CUX1: variants seen among roughly 807,000 people sequenced by gnomAD.
The protein encoded by CUX1 is protein CASP.
A neutral mutation model predicts 158.8 loss-of-function variants in CUX1; 31 were observed. The observed-to-expected ratio is 0.20, with a 90% confidence interval of 0.15 to 0.26. The LOEUF (loss-of-function observed/expected upper bound fraction) is 0.26, where lower values mean the gene tolerates loss of function less well. Ranked by LOEUF, CUX1 falls within the 10% of genes least tolerant of loss-of-function variation. The pLI is 1.00. For synonymous variants in CUX1, 879 were observed against 862.1 expected, an observed-to-expected ratio of 1.02 and a Z score of -0.34; for missense variants, 1,589 against 2,014.6, an observed-to-expected ratio of 0.79 and a Z score of 4.04.
chr7:102,257,113 A>T lies in CUX1; in HGVS notation c.*8071A>T. 1 of 985,268 alleles carries T rather than the reference A, an allele frequency of 1.0e-6. No homozygotes were observed. Among genetic ancestry groups the T allele is most frequent in the Non-Finnish European group, 1.2e-6 (1 of 829,920 alleles). 61.0% of individuals were successfully genotyped at this position (985,268 alleles called of 1,614,324 possible). On this transcript the variant is annotated 3_prime_UTR_variant, in exon 24 of 24. Coordinates refer to ENST00000292535, the MANE Select transcript of CUX1 (RefSeq NM_181552.4). ...TGTGAAGGTGAGGCGCCCTGCCTTG[A>T]TCCCATGGGCCCAGCAGAAGGAAAC...
chr7:102,056,793 A>G (rs190259389), intron 3 of CUX1, among the ~76,000 whole-genome samples: 2 of 150,470 alleles, frequency 1.3e-5, no homozygotes, highest in Admixed American at 1.3e-4. Context: ...CCAGTCTTGA[A>G]CTCCTGACCT....
intron 2 of CUX1, among the ~76,000 whole-genome samples, chr7:101,940,309 G>A (rs935012979): frequency 7.9e-5 from 12 of 151,952 alleles, no homozygotes; most frequent in Admixed American, 6.6e-4. Flanking sequence ...GGTGTCACCA[G>A]TGGAAAAAAG....
At chr7:101,881,204 C>T (rs1020618184) in intron 1 of CUX1, among the ~76,000 whole-genome samples, 14 of 152,154 alleles carry the variant, frequency 9.2e-5, no homozygotes, top group African/African-American at 2.4e-4. Flanking sequence ...TCTCGCTCAC[C>T]GTAATTAAAA....
chr7:102,177,369 G>A (rs982987591), intron 10 of CUX1, among the ~76,000 whole-genome samples: 6 of 150,028 alleles, frequency 4.0e-5, no homozygotes, highest in South Asian at 2.1e-4. Context: ...AGCCGAGATC[G>A]CGCCACTGCA....
intron 2 of CUX1, among the ~76,000 whole-genome samples, chr7:101,920,001 C>A (rs1357206642): frequency 6.6e-6 from 1 of 152,208 alleles, no homozygotes; most frequent in African/African-American, 2.4e-5. Context: ...GATCACAGCT[C>A]ACTACAGCCT....
At chr7:101,933,854 T>C (rs997222232) in intron 2 of CUX1, among the ~76,000 whole-genome samples, 1 of 152,196 alleles carries the variant, frequency 6.6e-6, no homozygotes, top group African/African-American at 2.4e-5. Context: ...TTAGCCCTAA[T>C]TTAGAAAAAC....
chr7:102,108,101 G>A, intron 6 of CUX1, among the ~76,000 whole-genome samples: 1 of 152,298 alleles, frequency 6.6e-6, no homozygotes, highest in East Asian at 1.9e-4. Context: ...CCCTGCCATG[G>A]AGAAATGGGT....
At chr7:102,053,574 C>T (rs1026274289) in intron 3 of CUX1, among the ~76,000 whole-genome samples, 3 of 152,026 alleles carry the variant, frequency 2.0e-5, no homozygotes, top group African/African-American at 7.2e-5. Context: ...TTAACCATAC[C>T]ACCTTTCCAG....
intron 6 of CUX1, among the ~76,000 whole-genome samples, chr7:102,105,141 CTT>C (rs1170712707): frequency 6.6e-6 from 1 of 151,846 alleles, no homozygotes; most frequent in Admixed American, 6.6e-5. Context: ...GTGCTAAACT[CTT>C]TCTGCCTTCT....
In CUX1 at chr7:101,997,532, C is replaced by T. The variant is rs893270659; in HGVS notation, c.142-30566C>T. Among the ~76,000 whole-genome samples, 92 of 151,642 alleles carry T rather than the reference C, an allele frequency of 6.1e-4. 2 individuals carry two copies. Among genetic ancestry groups the T allele is most frequent in the African/African-American group, 2.2e-3 (89 of 40,988 alleles). On this transcript the variant is annotated intron_variant, in intron 2 of 23. Transcript: ENST00000292535. ...CTACTTTTTGTATTTTTAGTACAAA[C>T]GGGGTTTCACCAGGTTGGTCAGGCT... is the stretch of plus-strand genomic sequence containing the variant.
intron 3 of CUX1, among the ~76,000 whole-genome samples, chr7:102,044,593 G>A (rs1822522343): frequency 6.6e-6 from 1 of 152,056 alleles, no homozygotes; most frequent in Non-Finnish European, 1.5e-5. Context: ...TTGAGGGCCC[G>A]TATCTTGTCT....
At chr7:102,093,649 G>A (rs1043506693) in intron 4 of CUX1, among the ~76,000 whole-genome samples, 13 of 152,138 alleles carry the variant, frequency 8.5e-5, no homozygotes, top group Non-Finnish European at 1.0e-4. Flanking sequence ...ATAATATTGC[G>A]TGCACTTAGG....
intron 4 of CUX1, among the ~76,000 whole-genome samples, chr7:102,077,199 G>A (rs1554476942): frequency 2.0e-5 from 3 of 152,016 alleles, no homozygotes; most frequent in African/African-American, 7.2e-5. Flanking sequence ...CTGGGGCCAG[G>A]AGAAGAAGCC....
At chr7:102,233,183 C>CTTTTT (rs781940562) in intron 21 of CUX1, among the ~76,000 whole-genome samples, 3 of 117,250 alleles carry the variant, frequency 2.6e-5, no homozygotes, top group Non-Finnish European at 5.1e-5. Context: ...TTTTTTTTTC[C>CTTTTT]TTTTTTTTTT....
intron 8 of CUX1, among the ~76,000 whole-genome samples, chr7:102,144,089 C>T (rs1490965681): frequency 6.6e-6 from 1 of 152,170 alleles, no homozygotes; most frequent in Non-Finnish European, 1.5e-5. Context: ...GCCAGGACGG[C>T]CACTTCTAAT....
chr7:102,175,743 C>T (rs1450049608), intron 10 of CUX1, among the ~76,000 whole-genome samples: 1 of 152,190 alleles, frequency 6.6e-6, no homozygotes, highest in African/African-American at 2.4e-5. Flanking sequence ...CTGGAGGGCT[C>T]GTGACGTTGG....
chr7:102,159,662 A>G (rs1390376724), intron 9 of CUX1, among the ~76,000 whole-genome samples: 13 of 149,422 alleles, frequency 8.7e-5, no homozygotes, highest in East Asian at 8.2e-4. Flanking sequence ...GGAGTTTGAG[A>G]CCAGCCTGGC....
intron 2 of CUX1, among the ~76,000 whole-genome samples, chr7:101,976,801 G>A (rs942968025): frequency 4.0e-5 from 6 of 151,488 alleles, no homozygotes; most frequent in Admixed American, 6.6e-5. Context: ...CACAGTTCAG[G>A]GGAAACAAAA....
At chr7:101,936,346 G>A (rs1041443057) in intron 2 of CUX1, among the ~76,000 whole-genome samples, 1 of 152,094 alleles carries the variant, frequency 6.6e-6, no homozygotes, top group African/African-American at 2.4e-5. Flanking sequence ...CAGGTGTGAC[G>A]GGGGTGGGGA....
Sources: gnomAD v4.1 joint callset for allele counts (sites outside exome capture counted in the v4.1 genomes callset) on GRCh38, gnomAD v4.1.1 for gene constraint, MANE v1.5 for transcripts, NCBI Gene and HGNC (gene_info 2026-07-23, HGNC 2026-07-21) for gene names.